The following PIGU variants were observed in gnomAD, a reference collection of about 807,000 sequenced individuals.
PIGU encodes the protein GPI-anchor transamidase component PIGU.
A neutral mutation model predicts 49.9 loss-of-function variants in PIGU; 24 were observed. The ratio of observed to expected loss-of-function variants is 0.48; its 90% CI spans 0.35 to 0.68. The LOEUF is 0.68. Among genes scored for constraint, PIGU ranks in the 30% least tolerant of loss-of-function variants. PIGU has a pLI of 0.01. For synonymous variants in PIGU, 220 were observed against 205.7 expected (o/e 1.07, Z -0.59); for missense variants, 490 against 532.6 (o/e 0.92, Z 0.79).
chr20:34,635,741 G>A (rs1339973262), intron 5 of PIGU, among the ~76,000 whole-genome samples: 1 of 152,022 alleles, frequency 6.6e-6, no homozygotes, highest in East Asian at 1.9e-4. Context: ...CAGGCGTGGT[G>A]GCACATGCCT....
intron 2 of PIGU, among the ~76,000 whole-genome samples, chr20:34,652,295 G>A (rs901135072): frequency 2.0e-5 from 3 of 152,090 alleles, no homozygotes; most frequent in South Asian, 2.1e-4. Flanking sequence ...ATGAGCCACC[G>A]TGCCTGGCCT....
intron 1 of PIGU, among the ~76,000 whole-genome samples, chr20:34,668,772 A>AAAAT (rs538438105): frequency 0.012 from 1,820 of 151,226 alleles, 47 homozygotes; most frequent in African/African-American, 0.041. Context: ...CTGACTCAAA[A>AAAAT]AAATAAATAA....
chr20:34,599,678 T>A (rs1984338159), intron 7 of PIGU, among the ~76,000 whole-genome samples: 1 of 152,174 alleles, frequency 6.6e-6, no homozygotes, highest in African/African-American at 2.4e-5. Context: ...AGATGGTCTA[T>A]GAAGAAGTAT....
intron 7 of PIGU, among the ~76,000 whole-genome samples, chr20:34,615,516 T>G (rs1984970232): frequency 6.6e-6 from 1 of 152,252 alleles, no homozygotes; most frequent in African/African-American, 2.4e-5. Flanking sequence ...CATATAGTAG[T>G]GCCCCCCTTA....
intron 11 of PIGU, among the ~76,000 whole-genome samples, chr20:34,570,555 C>T (rs1600586734): frequency 6.6e-6 from 1 of 152,186 alleles, no homozygotes; most frequent in Non-Finnish European, 1.5e-5. Context: ...GCTGGGACTA[C>T]AGGCGCGTGC....
At chr20:34,572,950 G>C (rs966339207) in intron 11 of PIGU, among the ~76,000 whole-genome samples, 1 of 152,196 alleles carries the variant, frequency 6.6e-6, no homozygotes, top group Non-Finnish European at 1.5e-5. Flanking sequence ...CAAAGGCCAC[G>C]TCTGCAGAGG....
chr20:34,638,009 A>T (rs2146763856), intron 4 of PIGU, 24 bp from the exon 5 acceptor site: 1 of 1,561,566 alleles, frequency 6.4e-7, no homozygotes, highest in Non-Finnish European at 8.6e-7. Context: ...AAAAAGGAAA[A>T]GATAAAACAC....
Position 34,677,056 on chromosome 20 carries a change from C to A in PIGU, c.30G>T (p.Val10=). The change falls in exon 1 of 12, where the codon GTG becomes GTT. Residue 10 remains valine (V), a synonymous_variant. Coordinates refer to ENST00000217446, the MANE Select transcript of PIGU (RefSeq NM_080476.5). MAAPLVLVL[V]VAVTVRAALF... ...AGGCCGCCCGCACTGTCACAGCCAC[C>A]ACCAGCACCAGGACCAAGGGAGCCG... is the stretch of plus-strand genomic sequence containing the variant. 1 of 1,571,002 alleles carries A rather than the reference C, an allele frequency of 6.4e-7. No homozygotes were observed.
At chr20:34,607,397 C>T (rs1341217322) in intron 7 of PIGU, among the ~76,000 whole-genome samples, 1 of 152,148 alleles carries the variant, frequency 6.6e-6, no homozygotes, top group Non-Finnish European at 1.5e-5. Flanking sequence ...AGAGAAGCAG[C>T]AGCCAGAAGT....
chr20:34,635,705 G>A (rs781284670), intron 5 of PIGU, among the ~76,000 whole-genome samples: 3 of 151,560 alleles, frequency 2.0e-5, no homozygotes, highest in Non-Finnish European at 4.4e-5. Flanking sequence ...GAGAAACCCT[G>A]CCTCTACTAA....
chr20:34,667,685 A>G (rs1283858239), intron 1 of PIGU, among the ~76,000 whole-genome samples: 2 of 152,228 alleles, frequency 1.3e-5, no homozygotes, highest in Non-Finnish European at 2.9e-5. Context: ...TTTAATTATT[A>G]AATAAAAATG....
intron 11 of PIGU, among the ~76,000 whole-genome samples, chr20:34,567,568 C>T (rs1982825033): frequency 7.2e-6 from 1 of 139,616 alleles, no homozygotes; most frequent in South Asian, 2.3e-4. Context: ...ATGCCAGGCT[C>T]ACACCTCTTA....
intron 6 of PIGU, among the ~76,000 whole-genome samples, chr20:34,625,712 C>CA (rs536868098): frequency 0.013 from 1,068 of 84,138 alleles, 7 homozygotes; most frequent in Middle Eastern, 0.053. Flanking sequence ...GACTCTGTCT[C>CA]AAAAAAAAAA....
chr20:34,660,313 G>A (rs765191666), intron 1 of PIGU, among the ~76,000 whole-genome samples: 22 of 152,154 alleles, frequency 1.4e-4, no homozygotes, highest in Non-Finnish European at 2.9e-4. Context: ...TTACATGGGC[G>A]GTGGTTCATG....
chr20:34,657,670 C>G (rs575556455), intron 1 of PIGU, among the ~76,000 whole-genome samples: 1 of 152,244 alleles, frequency 6.6e-6, no homozygotes, highest in South Asian at 2.1e-4. Context: ...AACTTTTCGA[C>G]AGGGCAATAT....
In PIGU at chr20:34,625,226, G is replaced by T. The variant is rs531125476; in HGVS notation, c.530-9087C>A. Among the ~76,000 whole-genome samples the T allele has an allele frequency of 2.0e-5, 3 of 152,086 alleles. No homozygotes were observed. The South Asian group carries it at 6.2e-4, about 32-fold the overall frequency. Reference sequence around the variant, plus strand: ...GTCTCTACTAAAAATGCAAAATTCGGATGTGGTGGCGCATGCCTGTAATCC... The same window carrying T: ...GTCTCTACTAAAAATGCAAAATTCGTATGTGGTGGCGCATGCCTGTAATCC... On this transcript the variant is annotated intron_variant, in intron 6 of 11. Transcript: ENST00000217446.
chr20:34,652,811 G>A (rs1986581865), intron 2 of PIGU, among the ~76,000 whole-genome samples: 1 of 152,070 alleles, frequency 6.6e-6, no homozygotes, highest in South Asian at 2.1e-4. Context: ...TGTGGTCAGA[G>A]AATATATTTT....
chr20:34,629,268 C>T (rs1485822360), intron 6 of PIGU, among the ~76,000 whole-genome samples: 1 of 152,116 alleles, frequency 6.6e-6, no homozygotes, highest in African/African-American at 2.4e-5. Context: ...ATGATCCACC[C>T]ACCTAAGCCT....
intron 10 of PIGU, among the ~76,000 whole-genome samples, chr20:34,580,043 C>T (rs970812588): frequency 1.3e-5 from 2 of 152,136 alleles, no homozygotes; most frequent in Non-Finnish European, 2.9e-5. Flanking sequence ...ACATGGGGCT[C>T]GTAATGGCAA....
Sources: gnomAD v4.1 joint callset for allele counts (sites outside exome capture counted in the v4.1 genomes callset) on GRCh38, gnomAD v4.1.1 for gene constraint, MANE v1.5 for transcripts, NCBI Gene and HGNC (gene_info 2026-07-23, HGNC 2026-07-21) for gene names.